KDM4A: variants seen among roughly 807,000 people sequenced by gnomAD.
KDM4A encodes lysine demethylase 4A, also known as lysine-specific demethylase 4A.
KDM4A carries 23 observed loss-of-function variants against 127.1 expected under a neutral mutation model. The ratio of observed to expected loss-of-function variants is 0.18; its 90% confidence interval spans 0.13 to 0.26. KDM4A has a LOEUF of 0.26. KDM4A is among the 10% of genes least tolerant of loss of function. The pLI is 1.00. For missense variants in KDM4A, 890 were observed against 1,329.1 expected (o/e 0.67, Z 5.14); for synonymous variants, 443 against 466.5 (o/e 0.95, Z 0.65).
intron 3 of KDM4A, among the ~76,000 whole-genome samples, chr1:43,658,819 A>G (rs1660307583): frequency 6.6e-6 from 1 of 151,486 alleles, no homozygotes; most frequent in South Asian, 2.1e-4. Context: ...CTAATTTTTA[A>G]AGTTTTTGTA....
At chr1:43,659,567 C>T (rs778528122) in intron 3 of KDM4A, among the ~76,000 whole-genome samples, 3 of 152,128 alleles carry the variant, frequency 2.0e-5, no homozygotes, top group Admixed American at 6.6e-5. Context: ...GATCCGCCCC[C>T]GCCAGGCCTC....
intron 1 of KDM4A, among the ~76,000 whole-genome samples, chr1:43,651,351 A>G (rs571686330): frequency 6.6e-6 from 1 of 152,308 alleles, no homozygotes; most frequent in Admixed American, 6.5e-5. Context: ...GCTGTGGGCA[A>G]ATTTCCTGGT....
intron 20 of KDM4A, 62 bp from the exon 21 acceptor site, chr1:43,703,958 C>A: frequency 6.9e-7 from 1 of 1,447,062 alleles, no homozygotes; most frequent in Non-Finnish European, 9.7e-7. Flanking sequence ...TGCCACTGTG[C>A]ATGGTGGACC....
At chr1:43,660,205 T>C (rs1240754285) in intron 3 of KDM4A, 93 bp from the exon 4 acceptor site, 2 of 1,340,278 alleles carry the variant, frequency 1.5e-6, no homozygotes, top group Non-Finnish European at 2.1e-6. Context: ...AAATTCTTGC[T>C]GTCACTGGAA....
chr1:43,699,906 T>C (rs2154049259), intron 19 of KDM4A: 1 of 151,880 alleles, frequency 6.6e-6, no homozygotes, highest in African/African-American at 2.4e-5. Flanking sequence ...ATTTTTTGTA[T>C]TTTTAGTAGA....
intron 1 of KDM4A, among the ~76,000 whole-genome samples, chr1:43,651,594 CAAAG>C (rs369180173): frequency 2.6e-5 from 4 of 152,238 alleles, no homozygotes; most frequent in African/African-American, 9.6e-5. Context: ...CTCCAACTCT[CAAAG>C]AGAGTCTTGG....
At chr1:43,661,632 A>AAG (rs1553230782) in intron 4 of KDM4A, among the ~76,000 whole-genome samples, 4,186 of 106,040 alleles carry the variant, frequency 0.039, 983 homozygotes, top group African/African-American at 0.14. Context: ...AAAAAAAAAA[A>AAG]AAAAAAAAGA....
Position 43,668,026 on chromosome 1 carries a change from C to G in KDM4A, c.1163+7C>G. On this transcript the variant is annotated splice_region_variant and intron_variant, in intron 9 of 21. Coordinates refer to ENST00000372396, the MANE Select transcript of KDM4A (RefSeq NM_014663.3). ...AAGGAGACCTGAAGACAAGGTAACC[C>G]AGCAGCCCTTTTGTCCTGGCTGCGT... 1 of 1,613,578 alleles carries G rather than the reference C, an allele frequency of 6.2e-7. No homozygotes were observed. The highest frequency in any genetic ancestry group is 8.5e-7 in the Non-Finnish European group (1 of 1,179,826).
chr1:43,655,536 C>CT, intron 2 of KDM4A, 55 bp from the exon 3 acceptor site: 1 of 1,500,896 alleles, frequency 6.7e-7, no homozygotes, highest in Non-Finnish European at 9.0e-7. Context: ...TTCCTGGACT[C>CT]TGACTGGCTT....
chr1:43,701,255 A>G (rs1661384800), intron 19 of KDM4A, among the ~76,000 whole-genome samples: 1 of 152,160 alleles, frequency 6.6e-6, no homozygotes, highest in African/African-American at 2.4e-5. Context: ...TAGTATCACT[A>G]ATAATCAAAA....
At position 43,688,109 on chromosome 1, in the gene KDM4A, G is replaced by A. The variant is rs1420296128; in HGVS notation, c.1856-805G>A. Reference sequence around the variant, plus strand: ...TGTAGTCCAAGCTACTTGGGCAGCTGTGATGGGAGGATCACTTGAGCCCAG... The same window carrying A: ...TGTAGTCCAAGCTACTTGGGCAGCTATGATGGGAGGATCACTTGAGCCCAG... On this transcript the variant is annotated intron_variant, in intron 12 of 21. Transcript: ENST00000372396. This position sits in a 1 kb window ranked among gnomAD's most constrained non-coding sequence, Gnocchi z 4.4. Among the ~76,000 whole-genome samples, 1 of 152,158 alleles carries A rather than the reference G, an allele frequency of 6.6e-6. No homozygotes were observed. The highest frequency in any genetic ancestry group is 1.5e-5 in the Non-Finnish European group (1 of 68,040).
At chr1:43,685,061 T>C (rs994417745) in intron 12 of KDM4A, among the ~76,000 whole-genome samples, 3 of 151,872 alleles carry the variant, frequency 2.0e-5, no homozygotes, top group South Asian at 2.1e-4. Flanking sequence ...TGAGGTGACA[T>C]TGGATACAAT....
rs763562132 is a variant in KDM4A, at chr1:43,694,108, G to C, written c.2484+6G>C. 1 of 1,606,136 alleles carries C rather than the reference G, an allele frequency of 6.2e-7. No individual in the cohort carries two copies. The highest frequency in any genetic ancestry group is 1.1e-5 in the South Asian group (1 of 90,852). On this transcript the variant is annotated splice_donor_region_variant and intron_variant, in intron 17 of 21. Transcript: ENST00000372396. This position sits in a 1 kb window ranked among gnomAD's most constrained non-coding sequence, Gnocchi z 5.2. ...CCCTGCCCCGCTTCAAACTGGTAAG[G>C]GCTTGTAGACTCTACATAATTTCCC... is the stretch of plus-strand genomic sequence containing the variant.
chr1:43,665,289 C>T (rs1660475346), intron 5 of KDM4A, among the ~76,000 whole-genome samples: 1 of 152,112 alleles, frequency 6.6e-6, no homozygotes, highest in Non-Finnish European at 1.5e-5. Flanking sequence ...TTCCTCTTGC[C>T]TGCCCCCAGT....
At chr1:43,657,750 C>CTTTTTTTTTT (rs140666245) in intron 3 of KDM4A, among the ~76,000 whole-genome samples, 1 of 116,458 alleles carries the variant, frequency 8.6e-6, no homozygotes, top group Non-Finnish European at 1.7e-5. Flanking sequence ...TTTTTCTTTT[C>CTTTTTTTTTT]TTTTTTTTTT....
At chr1:43,671,430 T>A in intron 10 of KDM4A, 75 bp from the exon 11 acceptor site, 2 of 1,464,754 alleles carry the variant, frequency 1.4e-6, no homozygotes, top group Non-Finnish European at 1.8e-6. Flanking sequence ...TTCCTTGTGC[T>A]TTGCCCTCTG....
chr1:43,680,664 C>T (rs923155678), intron 11 of KDM4A, among the ~76,000 whole-genome samples: 1 of 152,222 alleles, frequency 6.6e-6, no homozygotes, highest in African/African-American at 2.4e-5. Flanking sequence ...GGGCTGCCCA[C>T]ATTCCTTGGC....
intron 7 of KDM4A, 152 bp downstream of exon 7, chr1:43,666,707 G>A (rs955992480): frequency 2.8e-6 from 2 of 713,328 alleles, no homozygotes; most frequent in Non-Finnish European, 4.7e-6. Flanking sequence ...TAAAGGTGGG[G>A]CCACTGTAGC....
chr1:43,654,041 A>G (rs912648678), intron 2 of KDM4A, among the ~76,000 whole-genome samples: 3 of 152,248 alleles, frequency 2.0e-5, no homozygotes, highest in Non-Finnish European at 4.4e-5. Flanking sequence ...AACATTGGCT[A>G]CAAAGCTGAG....
Sources: allele counts gnomAD v4.1 joint callset (sites outside exome capture counted in the v4.1 genomes callset), GRCh38; gene constraint gnomAD v4.1.1; non-coding constraint Gnocchi (gnomAD v3.1); transcripts MANE v1.5; gene names NCBI Gene and HGNC (gene_info 2026-07-23, HGNC 2026-07-21).